KSR2: variants seen among roughly 807,000 people sequenced by gnomAD.
KSR2 encodes the protein kinase suppressor of ras 2.
KSR2 carries 25 observed loss-of-function variants against 107.8 expected under a neutral mutation model. The observed-to-expected ratio is 0.23, with a 90% CI of 0.17 to 0.32. KSR2 has a LOEUF of 0.32. Among genes scored for constraint, KSR2 ranks in the 10% least tolerant of loss-of-function variants. The pLI is 1.00. For missense variants in KSR2, 887 were observed against 1,268.9 expected, an observed-to-expected ratio of 0.70 and a Z score of 4.57; for synonymous variants, 480 against 507.0, an observed-to-expected ratio of 0.95 and a Z score of 0.71.
intron 3 of KSR2, among the ~76,000 whole-genome samples, chr12:117,833,717 T>C (rs780593831): frequency 3.3e-5 from 5 of 152,010 alleles, no homozygotes; most frequent in African/African-American, 7.3e-5. Context: ...GCATCATGAA[T>C]ATTCAGAAAA....
intron 12 of KSR2, among the ~76,000 whole-genome samples, chr12:117,529,898 G>C (rs977999910): frequency 6.6e-6 from 1 of 152,070 alleles, no homozygotes; most frequent in African/African-American, 2.4e-5. Context: ...GCACACACCT[G>C]TAATCCCAGC....
chr12:117,487,690 G>A lies in KSR2; in HGVS notation c.2220-1999C>T, dbSNP rs1353870045. Among the ~76,000 whole-genome samples, 4 of 152,080 alleles carry A rather than the reference G, an allele frequency of 2.6e-5. No homozygotes were observed. The East Asian group carries it at 5.8e-4, about 22-fold the overall frequency. Reference sequence around the variant, plus strand: ...ACTGCAGACCGCAGAGCAAATCACCGCCAACAGGCTCCAAGACTCCCTGGA... The same window carrying A: ...ACTGCAGACCGCAGAGCAAATCACCACCAACAGGCTCCAAGACTCCCTGGA... On this transcript the variant is annotated intron_variant, in intron 14 of 19. Transcript: ENST00000339824.
Position 117,509,245 on chromosome 12 carries a change from G to A in KSR2, c.2219+15607C>T, listed in dbSNP as rs148315257. Among the ~76,000 whole-genome samples, 446 of 152,224 alleles carry A rather than the reference G, an allele frequency of 2.9e-3. 3 individuals carry two copies. Among genetic ancestry groups the A allele is most frequent in the African/African-American group, 8.4e-3 (348 of 41,536 alleles). On this transcript the variant is annotated intron_variant, in intron 14 of 19. Transcript: ENST00000339824. ...AGTCACACAGTGGTAGAAGAAGAACGTGAATTCTTGGCCCCCTCCTCCTTC... is the reference window on the plus strand; with the variant it reads ...AGTCACACAGTGGTAGAAGAAGAACATGAATTCTTGGCCCCCTCCTCCTTC...
chr12:117,740,661 A>G lies in KSR2; in HGVS notation c.986+20350T>C, dbSNP rs1040866106. Among the ~76,000 whole-genome samples the G allele has an allele frequency of 1.8e-4, 16 of 90,464 alleles. No individual in the cohort carries two copies. The East Asian group carries it at 2.0e-3, about 11-fold the overall frequency. The allele number at this position is 90,464 out of a possible 152,430, so 59.3% of individuals were successfully genotyped here. A position where few individuals can be genotyped will look rare whatever the true frequency, so the allele number is the denominator to read the frequency against. On this transcript the variant is annotated intron_variant, in intron 4 of 19. Transcript: ENST00000339824. ...TATACATATATTATATATGTAATAT[A>G]TAATATATATAATATATATACACAC...
chr12:117,474,240 AT>A lies in KSR2; in HGVS notation c.2582+2223del, dbSNP rs751007171. The stretch of plus-strand genomic sequence containing the variant: ...TATTCTGGTACATTTTGTTAATCAC[AT>A]TTTTTTTTCTTTTGCTAAATTTACA... On this transcript the variant is annotated intron_variant, in intron 17 of 19. Transcript: ENST00000339824. Among the ~76,000 whole-genome samples the A allele has an allele frequency of 4.3e-4, 65 of 151,728 alleles. No individual in the cohort carries two copies. In the East Asian group the frequency reaches 7.2e-3, roughly 17 times the overall value.
chr12:117,916,132 CTTCTTT>C (rs1212071867), intron 1 of KSR2, among the ~76,000 whole-genome samples: 1 of 125,710 alleles, frequency 8.0e-6, no homozygotes, highest in Non-Finnish European at 1.6e-5. Context: ...TTTATTTCTT[CTTCTTT>C]TTTTTTTTTT....
At chr12:117,615,861 T>C (rs1310398037) in intron 5 of KSR2, among the ~76,000 whole-genome samples, 1 of 152,192 alleles carries the variant, frequency 6.6e-6, no homozygotes, top group Non-Finnish European at 1.5e-5. Flanking sequence ...TAAGATAATT[T>C]GTTATGCAGC....
chr12:117,725,637 C>T (rs548287634), intron 4 of KSR2, among the ~76,000 whole-genome samples: 1 of 152,164 alleles, frequency 6.6e-6, no homozygotes, highest in Non-Finnish European at 1.5e-5. Context: ...TCTTAGGACA[C>T]AAAAAGCACT....
chr12:117,621,910 T>C (rs1176384177), intron 5 of KSR2, among the ~76,000 whole-genome samples: 1 of 152,152 alleles, frequency 6.6e-6, no homozygotes, highest in African/African-American at 2.4e-5. Context: ...ATGCTGTAGC[T>C]GCACAACAAA....
rs77055761 is a variant in KSR2 at position 117,764,559 on chromosome 12, C to T, written c.473-3035G>A. 4.0e-3 allele frequency among the ~76,000 whole-genome samples: 612 copies of T among 152,212 alleles called. 20 individuals are homozygous for T. The East Asian group carries it at 0.067, about 17-fold the overall frequency. On this transcript the variant is annotated intron_variant, in intron 3 of 19. Coordinates refer to ENST00000339824, the MANE Select transcript of KSR2 (RefSeq NM_173598.6). ...CATTTGCCATCATAGATCATTCAAA[C>T]GGGAAAAGATACTGAAACAAAGGCT...
chr12:117,827,257 A>G (rs1891794971), intron 3 of KSR2, among the ~76,000 whole-genome samples: 1 of 152,194 alleles, frequency 6.6e-6, no homozygotes, highest in African/African-American at 2.4e-5. Flanking sequence ...TGATCTTCTG[A>G]GACATTAAAC....
At chr12:117,794,420 TACAACA>T (rs1566019223) in intron 3 of KSR2, among the ~76,000 whole-genome samples, 1 of 24,412 alleles carries the variant, frequency 4.1e-5, no homozygotes, top group African/African-American at 2.2e-4. Flanking sequence ...CACATGCACA[TACAACA>T]TGCACACTCA....
chr12:117,683,384 T>C (rs1435477477), intron 4 of KSR2, among the ~76,000 whole-genome samples: 1 of 152,124 alleles, frequency 6.6e-6, no homozygotes, highest in African/African-American at 2.4e-5. Flanking sequence ...GAAGATCAAA[T>C]TTGAGTTGGA....
chr12:117,916,490 C>T (rs1251061513), intron 1 of KSR2, among the ~76,000 whole-genome samples: 1 of 152,162 alleles, frequency 6.6e-6, no homozygotes, highest in Non-Finnish European at 1.5e-5. Flanking sequence ...ACAGTATATG[C>T]ACTTGCTGGA....
chr12:117,710,196 C>G (rs528210933), intron 4 of KSR2, among the ~76,000 whole-genome samples: 1 of 151,804 alleles, frequency 6.6e-6, no homozygotes, highest in South Asian at 2.1e-4. Flanking sequence ...CCTCTTGCTC[C>G]GAACCATCAA....
intron 4 of KSR2, among the ~76,000 whole-genome samples, chr12:117,745,945 C>T (rs759866771): frequency 7.2e-5 from 11 of 152,084 alleles, no homozygotes; most frequent in South Asian, 2.1e-4. Flanking sequence ...CACAAGCAAA[C>T]GGAAAAACAT....
chr12:117,944,932 G>C (rs1465953156), intron 1 of KSR2, among the ~76,000 whole-genome samples: 1 of 151,996 alleles, frequency 6.6e-6, no homozygotes, highest in African/African-American at 2.4e-5. Flanking sequence ...TATTATATCA[G>C]AGAAAATAGT....
intron 16 of KSR2, among the ~76,000 whole-genome samples, chr12:117,482,199 A>C (rs59036747): frequency 0.035 from 5,374 of 151,920 alleles, 336 homozygotes; most frequent in African/African-American, 0.12. Flanking sequence ...AAAAGCAGGG[A>C]GATGAGAGAG....
At chr12:117,637,687 T>TTTTTTTTTTTTTG (rs1883176765) in intron 5 of KSR2, among the ~76,000 whole-genome samples, 1 of 135,832 alleles carries the variant, frequency 7.4e-6, no homozygotes, top group Non-Finnish European at 1.6e-5. Flanking sequence ...TTTTTTTTTT[T>TTTTTTTTTTTTTG]TTTTTTTTTT....
Sources: allele counts gnomAD v4.1 joint callset (sites outside exome capture counted in the v4.1 genomes callset), GRCh38; gene constraint gnomAD v4.1.1; transcripts MANE v1.5; gene names NCBI Gene and HGNC (gene_info 2026-07-23, HGNC 2026-07-21).